The following MIA2 variants were observed in gnomAD, a reference collection of about 807,000 sequenced individuals.
MIA2 encodes MIA SH3 domain ER export factor 2.
Under a neutral mutation model 167.8 loss-of-function variants are expected in MIA2, and 127 were observed. The ratio of observed to expected loss-of-function variants is 0.76; its 90% CI spans 0.66 to 0.88. MIA2 has a LOEUF of 0.88. Ranked by LOEUF, MIA2 falls within the 40% of genes least tolerant of loss-of-function variation. The pLI is 0.00. For missense variants in MIA2, 1,690 were observed against 1,624.7 expected, an observed-to-expected ratio of 1.04 and a Z score of -0.69; for synonymous variants, 552 against 541.9, an observed-to-expected ratio of 1.02 and a Z score of -0.26.
At chr14:39,235,819 T>C (rs565524994) in intron 1 of MIA2, among the ~76,000 whole-genome samples, 14 of 152,078 alleles carry the variant, frequency 9.2e-5, no homozygotes, top group Admixed American at 2.6e-4. Flanking sequence ...TCTTTCCCTC[T>C]TTATATTACA....
intron 7 of MIA2, 39 bp from the exon 8 acceptor site, chr14:39,279,298 A>G (rs1566693553): frequency 1.9e-6 from 3 of 1,562,160 alleles, no homozygotes; most frequent in East Asian, 4.5e-5. Context: ...TTGAGAGCGT[A>G]TTTGTTTTAA....
At chr14:39,265,235 C>T (rs1197726780) in intron 6 of MIA2, 3 of 627,044 alleles carry the variant, frequency 4.8e-6, no homozygotes, top group Non-Finnish European at 8.3e-6. Flanking sequence ...ACAACTCCAC[C>T]TGTAGCACCC....
At chr14:39,340,105 A>G (rs1595814649) in intron 25 of MIA2, among the ~76,000 whole-genome samples, 1 of 152,192 alleles carries the variant, frequency 6.6e-6, no homozygotes, top group South Asian at 2.1e-4. Context: ...GGCCTCCCAA[A>G]GTGCTGGGAT....
intron 9 of MIA2, among the ~76,000 whole-genome samples, chr14:39,285,239 C>A (rs7140815): frequency 0.88 from 134,161 of 151,942 alleles, 59,518 homozygotes; most frequent in East Asian, 0.96. Context: ...CATCGTCATC[C>A]TGGCCCGTTC....
chr14:39,345,787 A>T (rs972772757), intron 25 of MIA2, 117 bp from the exon 26 acceptor site: 12 of 749,660 alleles, frequency 1.6e-5, no homozygotes, highest in Admixed American at 3.1e-5. Flanking sequence ...TCAACCAAGA[A>T]GATGATGAGT....
intron 16 of MIA2, among the ~76,000 whole-genome samples, chr14:39,304,062 C>A (rs1175172599): frequency 6.6e-6 from 1 of 152,058 alleles, no homozygotes; most frequent in Non-Finnish European, 1.5e-5. Context: ...GAAAAGCATT[C>A]ACTACTTTTC....
At chr14:39,325,523 A>G (rs1457955146) in intron 24 of MIA2, among the ~76,000 whole-genome samples, 3 of 148,908 alleles carry the variant, frequency 2.0e-5, no homozygotes, top group African/African-American at 7.4e-5. Flanking sequence ...GCCTGCCACC[A>G]TGCCCGGCTA....
intron 13 of MIA2, among the ~76,000 whole-genome samples, chr14:39,298,541 T>TTTTTTTTTTTTG (rs2061852930): frequency 1.5e-5 from 2 of 133,560 alleles, no homozygotes; most frequent in Admixed American, 1.5e-4. Context: ...TTTTTTTTTT[T>TTTTTTTTTTTTG]TTTTTTTTTT....
At chr14:39,370,570 C>A in intron 23 of MIA2, 1 of 375,778 alleles carries the variant, frequency 2.7e-6, no homozygotes. Context: ...GTTGCTGAAG[C>A]CGCATTGGGG....
chr14:39,353,262 A>G (rs1413213221), downstream of MIA2, among the ~76,000 whole-genome samples: 1 of 152,200 alleles, frequency 6.6e-6, no homozygotes, highest in Non-Finnish European at 1.5e-5. Flanking sequence ...TATCATCACT[A>G]TCAAAATTAT....
intron 1 of MIA2, 149 bp from the exon 2 acceptor site, chr14:39,236,773 G>A: frequency 1.4e-6 from 1 of 703,394 alleles, no homozygotes; most frequent in Admixed American, 3.1e-5. Flanking sequence ...CATGCAGTGG[G>A]AAGGCTATGT....
chr14:39,319,930 A>G (rs894470640), intron 23 of MIA2, among the ~76,000 whole-genome samples: 1 of 152,152 alleles, frequency 6.6e-6, no homozygotes, highest in African/African-American at 2.4e-5. Flanking sequence ...AAGGTACTGA[A>G]AAATCTATAT....
At chr14:39,266,595 G>C in intron 6 of MIA2, 1 of 985,518 alleles carries the variant, frequency 1.0e-6, no homozygotes, top group Non-Finnish European at 1.2e-6. Flanking sequence ...AACCACAGCT[G>C]AGCCGGGACG....
chr14:39,290,247 ACT>A (rs1203275218), intron 9 of MIA2, among the ~76,000 whole-genome samples: 1 of 152,052 alleles, frequency 6.6e-6, no homozygotes, highest in Non-Finnish European at 1.5e-5. Flanking sequence ...CAAATACTAG[ACT>A]TGCCTTTCTG....
At chr14:39,285,731 A>G (rs1157244775) in intron 9 of MIA2, among the ~76,000 whole-genome samples, 13 of 100,740 alleles carry the variant, frequency 1.3e-4, no homozygotes, top group South Asian at 1.1e-3. Context: ...CAGACGGGGC[A>G]GCTGCCGGGC....
At chr14:39,261,129 T>C (rs2055084923) in intron 6 of MIA2, among the ~76,000 whole-genome samples, 1 of 152,116 alleles carries the variant, frequency 6.6e-6, no homozygotes, top group Non-Finnish European at 1.5e-5. Context: ...CCTAGTGCTT[T>C]TCCCTCCCCC....
chr14:39,354,410 C>CTGTT (rs1369567935), downstream of MIA2, among the ~76,000 whole-genome samples: 1 of 150,228 alleles, frequency 6.7e-6, no homozygotes, highest in Non-Finnish European at 1.5e-5. Flanking sequence ...GTTGATGGGG[C>CTGTT]TGTTTTTTTC....
At chr14:39,320,846 G>A in intron 23 of MIA2, 82 bp from the exon 24 acceptor site, 1 of 1,450,258 alleles carries the variant, frequency 6.9e-7, no homozygotes, top group South Asian at 1.3e-5. Flanking sequence ...TGACCTGATG[G>A]TAATTGTCGA....
rs775661674 is a variant in MIA2 at position 39,313,392 on chromosome 14, A to G, written c.3070A>G (p.Lys1024Glu). Residue 1024 changes from lysine to glutamate, a missense_variant, in exon 19 of 29, where the codon AAA (lysine) becomes GAA (glutamate). Transcript: ENST00000640607. ...GTTAGAGAAAGAAGAGAAACTTTCTAAAGTAGATGAAAAGATCAGCCATGC... is the reference window on the plus strand; with the variant it reads ...GTTAGAGAAAGAAGAGAAACTTTCTGAAGTAGATGAAAAGATCAGCCATGC... ...YRLEKEEKLS[K>E]VDEKISHATE... The G allele has an allele frequency of 6.2e-6, 10 of 1,604,092 alleles. No individual in the cohort carries two copies. The highest frequency in any genetic ancestry group is 8.5e-6 in the Non-Finnish European group (10 of 1,175,534).
Sources: allele counts gnomAD v4.1 joint callset (sites outside exome capture counted in the v4.1 genomes callset), GRCh38; gene constraint gnomAD v4.1.1; transcripts MANE v1.5; gene names NCBI Gene and HGNC (gene_info 2026-07-23, HGNC 2026-07-21).